Variants in BBX observed in about 807,000 individuals in gnomAD.
BBX encodes the protein BBX high mobility group box domain containing, also known as HMG box transcription factor BBX.
A neutral mutation model predicts 100.2 loss-of-function variants in BBX; 30 were observed. The ratio of observed to expected loss-of-function variants is 0.30; its 90% CI spans 0.22 to 0.41. BBX has a LOEUF of 0.41. Among genes scored for constraint, BBX ranks in the 10% least tolerant of loss-of-function variants. BBX has a pLI of 1.00. For missense variants in BBX, 1,023 were observed against 1,129.8 expected, an observed-to-expected ratio of 0.91 and a Z score of 1.35; for synonymous variants, 376 against 388.1, an observed-to-expected ratio of 0.97 and a Z score of 0.37.
intron 2 of BBX, among the ~76,000 whole-genome samples, chr3:107,574,363 A>C (rs546478860): frequency 6.6e-6 from 1 of 152,212 alleles, no homozygotes; most frequent in East Asian, 1.9e-4. Context: ...ATTTGGGTAC[A>C]GGTTATTTCA....
chr3:107,720,593 A>G (rs1292110304), intron 5 of BBX, among the ~76,000 whole-genome samples: 1 of 152,064 alleles, frequency 6.6e-6, no homozygotes, highest in Non-Finnish European at 1.5e-5. Flanking sequence ...AAACCACGAG[A>G]GACCAGACTT....
chr3:107,713,967 C>CTTTT (rs569427270), intron 4 of BBX, among the ~76,000 whole-genome samples: 14 of 82,322 alleles, frequency 1.7e-4, no homozygotes, highest in East Asian at 6.7e-4. Flanking sequence ...TAATTTTTTT[C>CTTTT]TTTTTTTTTT....
intron 2 of BBX, among the ~76,000 whole-genome samples, chr3:107,570,554 C>T (rs950390944): frequency 6.6e-6 from 1 of 152,114 alleles, no homozygotes; most frequent in Non-Finnish European, 1.5e-5. Flanking sequence ...CTGGCTATGC[C>T]TTCAGCTCCA....
At chr3:107,711,481 G>A (rs1231397621) in intron 4 of BBX, 1 of 355,076 alleles carries the variant, frequency 2.8e-6, no homozygotes, top group African/African-American at 2.2e-5. Context: ...CATCCATTCA[G>A]TCTCTCTTGG....
rs141662704 is a variant in BBX at position 107,739,869 on chromosome 3, C to T, written c.670-4761C>T. On this transcript the variant is annotated intron_variant, in intron 7 of 17. Transcript: ENST00000325805. The stretch of plus-strand genomic sequence containing the variant: ...GAGGAAACTGAGGCAGAAAGGTGAT[C>T]GGAGTTATCTCAATTGCTACTGCAG... Among the ~76,000 whole-genome samples the T allele has an allele frequency of 3.3e-5, 5 of 152,216 alleles. 1 individual carries two copies. In the South Asian group the frequency reaches 6.2e-4, roughly 19 times the overall value.
intron 15 of BBX, among the ~76,000 whole-genome samples, chr3:107,797,551 C>T (rs539269332): frequency 2.6e-5 from 4 of 151,820 alleles, no homozygotes; most frequent in African/African-American, 9.7e-5. Context: ...GGCTTAAAAG[C>T]CCTTGGGTCA....
chr3:107,590,213 G>C (rs955043753), intron 2 of BBX, among the ~76,000 whole-genome samples: 3 of 151,960 alleles, frequency 2.0e-5, no homozygotes, highest in Admixed American at 1.3e-4. Context: ...TTATTAACAT[G>C]GTTAAGCAGA....
intron 13 of BBX, among the ~76,000 whole-genome samples, chr3:107,782,691 C>T (rs973468061): frequency 6.6e-6 from 1 of 152,108 alleles, no homozygotes; most frequent in Non-Finnish European, 1.5e-5. Flanking sequence ...CCTAATCTCT[C>T]GGCTTGTCAT....
chr3:107,557,705 G>C (rs1213228662), intron 2 of BBX, among the ~76,000 whole-genome samples: 1 of 152,150 alleles, frequency 6.6e-6, no homozygotes, highest in Non-Finnish European at 1.5e-5. Flanking sequence ...TTTTCCTCCA[G>C]AATCTTTCAG....
intron 2 of BBX, among the ~76,000 whole-genome samples, chr3:107,594,742 T>G (rs914358760): frequency 6.6e-6 from 1 of 152,154 alleles, no homozygotes; most frequent in African/African-American, 2.4e-5. Context: ...CATATAATAA[T>G]AGCTTAAAAA....
intron 3 of BBX, among the ~76,000 whole-genome samples, chr3:107,662,316 T>C (rs914849583): frequency 7.2e-5 from 11 of 152,078 alleles, no homozygotes; most frequent in African/African-American, 2.7e-4. Context: ...TTGGCAAGCC[T>C]TTTTGCTTCC....
intron 2 of BBX, among the ~76,000 whole-genome samples, chr3:107,603,904 G>A (rs192232778): frequency 1.4e-4 from 21 of 151,734 alleles, no homozygotes; most frequent in Non-Finnish European, 2.4e-4. Flanking sequence ...GTACAGTATC[G>A]TGTAAACCTA....
chr3:107,534,002 AG>A (rs1379965262), intron 2 of BBX, among the ~76,000 whole-genome samples: 2 of 152,208 alleles, frequency 1.3e-5, no homozygotes, highest in Non-Finnish European at 2.9e-5. Flanking sequence ...AAACTACTTT[AG>A]AAAAATGAAA....
chr3:107,741,845 C>T (rs1284479691), intron 7 of BBX, among the ~76,000 whole-genome samples: 1 of 152,136 alleles, frequency 6.6e-6, no homozygotes, highest in Non-Finnish European at 1.5e-5. Flanking sequence ...GAAGTATTCT[C>T]TCCCTTTTAT....
chr3:107,630,017 C>G (rs2056447152), intron 2 of BBX, among the ~76,000 whole-genome samples: 1 of 152,140 alleles, frequency 6.6e-6, no homozygotes, highest in Non-Finnish European at 1.5e-5. Flanking sequence ...AAACCCTCCA[C>G]TTTAGTCCTC....
chr3:107,531,326 C>G (rs2048146184), intron 2 of BBX, among the ~76,000 whole-genome samples: 1 of 152,150 alleles, frequency 6.6e-6, no homozygotes, highest in African/African-American at 2.4e-5. Flanking sequence ...GGTTCCACTC[C>G]TGCTGCCTCT....
chr3:107,795,641 C>G (rs79881432), intron 15 of BBX, among the ~76,000 whole-genome samples: 1 of 73,778 alleles, frequency 1.4e-5, no homozygotes, highest in Non-Finnish European at 2.6e-5. Context: ...TTTTTTTTGC[C>G]TCTTCCACTT....
chr3:107,541,695 A>G (rs988063735), intron 2 of BBX, among the ~76,000 whole-genome samples: 2 of 152,188 alleles, frequency 1.3e-5, no homozygotes, highest in African/African-American at 4.8e-5. Flanking sequence ...TGAAGTTACA[A>G]TGAAAATTAA....
chr3:107,694,948 A>T (rs1387760674), intron 3 of BBX, among the ~76,000 whole-genome samples: 2 of 151,318 alleles, frequency 1.3e-5, no homozygotes, highest in Non-Finnish European at 2.9e-5. Context: ...CGAGGAATTT[A>T]TTCATTTCTT....
Sources: allele counts gnomAD v4.1 joint callset (sites outside exome capture counted in the v4.1 genomes callset), GRCh38; gene constraint gnomAD v4.1.1; transcripts MANE v1.5; gene names NCBI Gene and HGNC (gene_info 2026-07-23, HGNC 2026-07-21).